THSD4: variants seen among roughly 807,000 people sequenced by gnomAD.
THSD4 encodes thrombospondin type 1 domain containing 4.
In THSD4, 69 loss-of-function variants were observed where a neutral mutation model predicts 119.0. The ratio of observed to expected loss-of-function variants is 0.58; its 90% CI spans 0.48 to 0.71. THSD4 has a LOEUF of 0.71. Among genes scored for constraint, THSD4 ranks in the 30% least tolerant of loss-of-function variants. The pLI, the probability that THSD4 is intolerant of heterozygous loss-of-function variation, is 0.00. For missense variants in THSD4, 1,393 were observed against 1,391.1 expected (o/e 1.00, Z -0.02); for synonymous variants, 524 against 540.4 (o/e 0.97, Z 0.42).
chr15:71,766,820 C>T (rs1006758713), intron 16 of THSD4: 7 of 152,118 alleles, frequency 4.6e-5, no homozygotes, highest in African/African-American at 1.7e-4. Context: ...GAACAAAAAA[C>T]TCAGCCACAA....
At chr15:71,761,875 G>C (rs548793487) in intron 15 of THSD4, among the ~76,000 whole-genome samples, 184 of 152,204 alleles carry the variant, frequency 1.2e-3, no homozygotes, top group African/African-American at 4.3e-3. Flanking sequence ...CCTCTTCCTT[G>C]GCACAGTCAG....
chr15:71,454,345 T>G (rs2047307832), intron 7 of THSD4, among the ~76,000 whole-genome samples: 1 of 152,222 alleles, frequency 6.6e-6, no homozygotes, highest in Non-Finnish European at 1.5e-5. Flanking sequence ...TAATAAACCT[T>G]AATACTTAAG....
In THSD4 at chr15:71,779,728, T is replaced by A. The variant is rs1439157722; in HGVS notation, c.*2354T>A. The stretch of plus-strand genomic sequence containing the variant: ...GCTGCTGAAGGTTACCTAACCATTC[T>A]TTAAAAGGAGAATGACCCTCCATGG... On this transcript the variant is annotated 3_prime_UTR_variant, in exon 18 of 18. Coordinates refer to ENST00000261862, the MANE Select transcript of THSD4 (RefSeq NM_024817.3). 2 of 152,194 alleles carry A rather than the reference T, an allele frequency of 1.3e-5. No individual in the cohort carries two copies. Among genetic ancestry groups the A allele is most frequent in the Admixed American group, 1.3e-4 (2 of 15,286 alleles). 9.4% of individuals were successfully genotyped at this position (152,194 alleles called of 1,614,324 possible).
At position 71,420,309 on chromosome 15, in the gene THSD4, C is replaced by T. The variant is rs1489044479; in HGVS notation, c.1152+8486C>T. Among the ~76,000 whole-genome samples, 3 of 106,700 alleles carry T rather than the reference C, an allele frequency of 2.8e-5. 1 individual carries two copies. The highest frequency in any genetic ancestry group is 9.6e-5 in the African/African-American group (3 of 31,364). 70.0% of individuals were successfully genotyped at this position (106,700 alleles called of 152,430 possible). On this transcript the variant is annotated intron_variant, in intron 7 of 17. Transcript: ENST00000261862. The stretch of plus-strand genomic sequence containing the variant: ...GCTACTCCTGTTCATTTTTGGTTTC[C>T]GTTTGCATAGAATATCTTTGTTCAT...
intron 4 of THSD4, among the ~76,000 whole-genome samples, chr15:71,216,729 C>G (rs550459330): frequency 5.3e-4 from 81 of 152,352 alleles, no homozygotes; most frequent in African/African-American, 1.8e-3. Context: ...CGGTCTGCTC[C>G]TAAAGCCGAA....
chr15:71,151,185 G>A (rs2040719205), intron 2 of THSD4, among the ~76,000 whole-genome samples: 2 of 152,258 alleles, frequency 1.3e-5, no homozygotes, highest in East Asian at 3.9e-4. Context: ...AGGCAACCTG[G>A]AATGCAGTTC....
At chr15:71,285,696 A>G (rs2044707120) in intron 6 of THSD4, among the ~76,000 whole-genome samples, 1 of 152,032 alleles carries the variant, frequency 6.6e-6, no homozygotes, top group Admixed American at 6.6e-5. Context: ...TCTACTAAAA[A>G]TACAAAAATT....
chr15:71,461,489 C>T (rs1171073455), intron 7 of THSD4, among the ~76,000 whole-genome samples: 1 of 152,186 alleles, frequency 6.6e-6, no homozygotes, highest in Non-Finnish European at 1.5e-5. Flanking sequence ...AGCACACCCT[C>T]GATGGCCCTT....
In THSD4 at chr15:71,279,104, G is replaced by T. The variant is rs183636041; in HGVS notation, c.1015+22389G>T. Among the ~76,000 whole-genome samples, 82 of 152,276 alleles carry T rather than the reference G, an allele frequency of 5.4e-4. No homozygotes were observed. The East Asian group carries it at 0.014, about 26-fold the overall frequency. The stretch of plus-strand genomic sequence containing the variant: ...ATCAGTAACTATTATGAGATGTTCT[G>T]CTGTGATCACGTGGCCTGCCTGTCA... On this transcript the variant is annotated intron_variant, in intron 6 of 17. Transcript: ENST00000261862.
chr15:71,682,223 A>G (rs919888654), intron 8 of THSD4, among the ~76,000 whole-genome samples: 6 of 152,226 alleles, frequency 3.9e-5, no homozygotes, highest in African/African-American at 1.4e-4. Context: ...CCAAAAGCCT[A>G]TTGTCTGGCC....
intron 6 of THSD4, among the ~76,000 whole-genome samples, chr15:71,285,665 C>T (rs1266032480): frequency 6.6e-6 from 1 of 151,910 alleles, no homozygotes; most frequent in Non-Finnish European, 1.5e-5. Flanking sequence ...ACCAGTCTGG[C>T]CAATATGGTA....
At chr15:71,116,099 C>T (rs1229038884) in intron 1 of THSD4, among the ~76,000 whole-genome samples, 2 of 152,226 alleles carry the variant, frequency 1.3e-5, no homozygotes, top group Non-Finnish European at 2.9e-5. Context: ...CGTGCGCCCC[C>T]CACCTCAGCC....
At chr15:71,200,291 G>T (rs1308760072) in intron 3 of THSD4, among the ~76,000 whole-genome samples, 2 of 152,118 alleles carry the variant, frequency 1.3e-5, no homozygotes, top group African/African-American at 4.8e-5. Context: ...TAGGGGGAGG[G>T]TGGTGGATGG....
chr15:71,751,775 C>T (rs1002898608), intron 14 of THSD4, among the ~76,000 whole-genome samples: 25 of 152,234 alleles, frequency 1.6e-4, no homozygotes, highest in African/African-American at 5.8e-4. Context: ...TCTAGTGATC[C>T]TCCCTCCTCA....
chr15:71,771,579 T>G (rs1482405153), intron 17 of THSD4, among the ~76,000 whole-genome samples: 1 of 152,108 alleles, frequency 6.6e-6, no homozygotes, highest in Non-Finnish European at 1.5e-5. Context: ...AGCAGGGAGT[T>G]GGCAGAGAAG....
At chr15:71,501,184 A>G (rs796322708) in intron 7 of THSD4, among the ~76,000 whole-genome samples, 63 of 152,324 alleles carry the variant, frequency 4.1e-4, no homozygotes, top group African/African-American at 1.5e-3. Context: ...AGTGTGAAAA[A>G]AAATCCACCA....
intron 2 of THSD4, among the ~76,000 whole-genome samples, chr15:71,149,612 C>T (rs1394936005): frequency 6.6e-6 from 1 of 152,164 alleles, no homozygotes; most frequent in Non-Finnish European, 1.5e-5. Flanking sequence ...AAGATTTTGG[C>T]TCTCTTTTGC....
At chr15:71,421,335 TTTCTTGTA>T (rs1330810796) in intron 7 of THSD4, among the ~76,000 whole-genome samples, 19,725 of 78,098 alleles carry the variant, frequency 0.25, 3,499 homozygotes, top group Admixed American at 0.31. Context: ...CCCTTTAGTA[TTTCTTGTA>T]GGATAGGGCT....
chr15:71,109,466 C>A (rs1219070498), intron 1 of THSD4, among the ~76,000 whole-genome samples: 1 of 152,148 alleles, frequency 6.6e-6, no homozygotes, highest in African/African-American at 2.4e-5. Context: ...CTGAGAGATT[C>A]GTGGATCTGA....
Sources: gnomAD v4.1 joint callset for allele counts (sites outside exome capture counted in the v4.1 genomes callset) on GRCh38, gnomAD v4.1.1 for gene constraint, MANE v1.5 for transcripts, NCBI Gene and HGNC (gene_info 2026-07-23, HGNC 2026-07-21) for gene names.